The following CNTRL variants were observed in gnomAD, a reference collection of about 807,000 sequenced individuals.
CNTRL encodes the protein 110 kDa centrosomal protein.
Under a neutral mutation model 303.7 loss-of-function variants are expected in CNTRL, and 233 were observed. The observed-to-expected ratio is 0.77, with a 90% CI of 0.69 to 0.86. The LOEUF is 0.86. Among genes scored for constraint, CNTRL ranks in the 40% least tolerant of loss-of-function variants. The pLI, the probability that CNTRL is intolerant of heterozygous loss-of-function variation, is 0.00. For missense variants in CNTRL, 2,524 were observed against 2,650.6 expected (o/e 0.95, Z 1.05); for synonymous variants, 900 against 922.2 (o/e 0.98, Z 0.44).
chr9:121,166,462 C>T (rs2053095209), intron 36 of CNTRL, among the ~76,000 whole-genome samples: 1 of 152,150 alleles, frequency 6.6e-6, no homozygotes, highest in Non-Finnish European at 1.5e-5. Flanking sequence ...AGCAGCCCTT[C>T]TTGGGGTTTC....
intron 27 of CNTRL, among the ~76,000 whole-genome samples, chr9:121,155,412 C>T (rs1390258695): frequency 6.6e-6 from 1 of 152,120 alleles, no homozygotes; most frequent in Non-Finnish European, 1.5e-5. Context: ...GATGGTGTCT[C>T]GCTCTGTCAC....
chr9:121,087,331 A>G (rs1285255759), intron 2 of CNTRL, among the ~76,000 whole-genome samples: 1 of 152,144 alleles, frequency 6.6e-6, no homozygotes, highest in Admixed American at 6.5e-5. Flanking sequence ...TAGGATGCCA[A>G]TGAGATATCA....
chr9:121,098,743 A>G (rs1448509176), intron 7 of CNTRL, among the ~76,000 whole-genome samples, 171 bp downstream of exon 7: 1 of 152,100 alleles, frequency 6.6e-6, no homozygotes, highest in East Asian at 1.9e-4. Flanking sequence ...GCACCAGGCA[A>G]CTGGATTTGG....
At chr9:121,096,594 G>T in intron 6 of CNTRL, 31 bp downstream of exon 6, 1 of 1,377,260 alleles carries the variant, frequency 7.3e-7, no homozygotes, top group South Asian at 2.0e-5. Context: ...GGAATTTTTA[G>T]ACTTGTTAAA....
At chr9:121,135,302 G>C (rs1255944135) in intron 14 of CNTRL, among the ~76,000 whole-genome samples, 1 of 152,002 alleles carries the variant, frequency 6.6e-6, no homozygotes, top group African/African-American at 2.4e-5. Context: ...TTTGGAGTCG[G>C]AGATCTACAT....
chr9:121,101,382 C>A (rs2049158739), intron 7 of CNTRL, among the ~76,000 whole-genome samples: 1 of 152,186 alleles, frequency 6.6e-6, no homozygotes, highest in Admixed American at 6.5e-5. Context: ...ACCAGAATCT[C>A]TAGGACACGT....
In CNTRL at chr9:121,158,717, C is replaced by T. The variant is rs1017871990; in HGVS notation, c.4765-138C>T. On this transcript the variant is annotated intron_variant, in intron 30 of 43. Transcript: ENST00000373855. ...TTTCATTAGGCATTTCACCCTTGCA[C>T]TCCTTGCCTGGCTTTTCTGACTCTT... 30 of 804,196 alleles carry T rather than the reference C, an allele frequency of 3.7e-5. No homozygotes were observed. In the African/African-American group the frequency reaches 4.8e-4, roughly 13 times the overall value. The allele number at this position is 804,196 out of a possible 1,614,324, so 49.8% of individuals were successfully genotyped here.
intron 14 of CNTRL, among the ~76,000 whole-genome samples, chr9:121,132,188 T>C (rs928146955): frequency 6.6e-6 from 1 of 152,214 alleles, no homozygotes; most frequent in Non-Finnish European, 1.5e-5. Flanking sequence ...CCTTGCTAGG[T>C]TAGGGAAGTT....
intron 2 of CNTRL, among the ~76,000 whole-genome samples, chr9:121,086,129 C>T (rs1485907342): frequency 6.6e-6 from 1 of 151,938 alleles, no homozygotes; most frequent in Non-Finnish European, 1.5e-5. Context: ...TATTGTTGGA[C>T]GATGGAGAGG....
chr9:121,110,536 G>A (rs552181646), intron 8 of CNTRL, among the ~76,000 whole-genome samples: 4 of 152,160 alleles, frequency 2.6e-5, no homozygotes, highest in South Asian at 2.1e-4. Context: ...GTTTCTTGCA[G>A]GCCCTTTTCT....
chr9:121,102,094 CAAAA>C (rs1192995760), intron 7 of CNTRL, among the ~76,000 whole-genome samples: 1 of 151,948 alleles, frequency 6.6e-6, no homozygotes, highest in African/African-American at 2.4e-5. Flanking sequence ...AGAGACACAA[CAAAA>C]AAAGAGAATT....
chr9:121,085,587 C>G (rs1213564524), intron 2 of CNTRL, among the ~76,000 whole-genome samples: 1 of 152,102 alleles, frequency 6.6e-6, no homozygotes, highest in Non-Finnish European at 1.5e-5. Context: ...TTGTTACATT[C>G]TGAGCAAGCA....
chr9:121,150,508 C>T (rs1463043645), intron 25 of CNTRL, 25 bp downstream of exon 25: 1 of 1,602,478 alleles, frequency 6.2e-7, no homozygotes, highest in Admixed American at 1.7e-5. Flanking sequence ...ATACAACTCT[C>T]TTTCCACACT....
chr9:121,148,609 C>T (rs2052019500), intron 23 of CNTRL, 63 bp from the exon 24 acceptor site: 6 of 1,450,414 alleles, frequency 4.1e-6, no homozygotes, highest in Middle Eastern at 1.8e-4. Flanking sequence ...TAGACTTTGA[C>T]GTTTCTTAAA....
Position 121,158,870 on chromosome 9 carries a change from C to G in CNTRL, c.4780C>G (p.Gln1594Glu). 2.5e-6 allele frequency: 4 copies of G among 1,613,964 alleles called. No homozygotes were observed. In the South Asian group the frequency reaches 4.4e-5, roughly 18 times the overall value. Residue 1594 changes from glutamine to glutamate, a missense_variant, in exon 31 of 44, where the codon CAG becomes GAG. Coordinates refer to ENST00000373855, the MANE Select transcript of CNTRL (RefSeq NM_007018.6). Reference protein sequence around the residue: ...KLKSQVTSQQQEMAVLDRQLG... With the variant: ...KLKSQVTSQQEEMAVLDRQLG... ...TTTAATACAGGTGACAAGTCAGCAG[C>G]AGGAGATGGCTGTCTTGGACAGGCA...
At chr9:121,166,263 C>A in intron 36 of CNTRL, 83 bp downstream of exon 36, 2 of 942,696 alleles carry the variant, frequency 2.1e-6, no homozygotes, top group Non-Finnish European at 1.6e-6. Flanking sequence ...ATCAAGTAGG[C>A]TGGTTCCTCT....
Position 121,157,469 on chromosome 9 carries a change from G to A in CNTRL, c.4366-1G>A, listed in dbSNP as rs1223263074. The A allele has an allele frequency of 6.2e-7, 1 of 1,612,784 alleles. No individual in the cohort carries two copies. The highest frequency in any genetic ancestry group is 2.2e-5 in the East Asian group (1 of 44,842). On this transcript the variant is annotated splice_acceptor_variant, in intron 27 of 43. Coordinates refer to ENST00000373855, the MANE Select transcript of CNTRL (RefSeq NM_007018.6). LOFTEE classifies it high-confidence loss of function. ...GCTTTTAATGACAGTTTCTTTTCTAGACAAAAAATGCTGTTGAAAAGTTCA... is the reference window on the plus strand; with the variant it reads ...GCTTTTAATGACAGTTTCTTTTCTAAACAAAAAATGCTGTTGAAAAGTTCA...
rs1564195004 is a variant in CNTRL at position 121,092,647 on chromosome 9, CTATATATAATATATATCTA to C, written c.349-2175_349-2157del. 1.8e-3 allele frequency among the ~76,000 whole-genome samples: 24 copies of C among 13,622 alleles called. 4 individuals are homozygous for C. In the South Asian group the frequency reaches 0.027, roughly 15 times the overall value. 8.9% of individuals were successfully genotyped at this position (13,622 alleles called of 152,430 possible). A position where few individuals can be genotyped will look rare whatever the true frequency, so the allele number is the denominator to read the frequency against. Reference sequence around the variant, plus strand: ...ATATATCTATATATATAATATATATCTATATATAATATATATCTATATATATAATATATATCTATATATA... The same window carrying C: ...ATATATCTATATATATAATATATATCTATATATAATATATATCTATATATA... On this transcript the variant is annotated intron_variant, in intron 4 of 43. Coordinates refer to ENST00000373855, the MANE Select transcript of CNTRL (RefSeq NM_007018.6).
At chr9:121,115,521 T>TA (rs2049937797) in intron 11 of CNTRL, among the ~76,000 whole-genome samples, 1 of 151,926 alleles carries the variant, frequency 6.6e-6, no homozygotes, top group African/African-American at 2.4e-5. Context: ...TCCTGGGACT[T>TA]AGATTAAGAA....
Sources: allele counts gnomAD v4.1 joint callset (sites outside exome capture counted in the v4.1 genomes callset), GRCh38; gene constraint gnomAD v4.1.1; transcripts MANE v1.5; gene names NCBI Gene and HGNC (gene_info 2026-07-23, HGNC 2026-07-21).